Variants in PRMT9 observed in about 807,000 individuals in gnomAD.
PRMT9 encodes the protein protein arginine N-methyltransferase 9.
In PRMT9, 59 loss-of-function variants were observed where a neutral mutation model predicts 83.2. The observed-to-expected ratio is 0.71, with a 90% CI of 0.57 to 0.88. The LOEUF (loss-of-function observed/expected upper bound fraction) is 0.88, where lower values mean the gene tolerates loss of function less well. Ranked by LOEUF, PRMT9 falls within the 40% of genes least tolerant of loss-of-function variation. PRMT9 has a pLI of 0.00. For synonymous variants in PRMT9, 333 were observed against 353.2 expected, an observed-to-expected ratio of 0.94 and a Z score of 0.64; for missense variants, 947 against 1,021.9, an observed-to-expected ratio of 0.93 and a Z score of 1.00.
Position 147,673,622 on chromosome 4 carries a change from T to A in PRMT9, c.575+16A>T. 1 of 1,463,984 alleles carries A rather than the reference T, an allele frequency of 6.8e-7. No homozygotes were observed. Among genetic ancestry groups the A allele is most frequent in the Non-Finnish European group, 9.6e-7 (1 of 1,042,960 alleles). The allele number at this position is 1,463,984 out of a possible 1,614,324, so 90.7% of individuals were successfully genotyped here. ...AGAATACATGTATATACCATTAAAATGCAATTACTACCAACCTTAGTATTC... is the reference window on the plus strand; with the variant it reads ...AGAATACATGTATATACCATTAAAAAGCAATTACTACCAACCTTAGTATTC... On this transcript the variant is annotated intron_variant, in intron 3 of 11. Transcript: ENST00000322396.
intron 2 of PRMT9, among the ~76,000 whole-genome samples, chr4:147,676,435 T>A (rs2126636244): frequency 6.6e-6 from 1 of 152,332 alleles, no homozygotes; most frequent in Non-Finnish European, 1.5e-5. Context: ...AAAAAAGATT[T>A]TTAAAAATAT....
At chr4:147,670,819 G>A in intron 4 of PRMT9, 76 bp from the exon 5 acceptor site, 1 of 925,352 alleles carries the variant, frequency 1.1e-6, no homozygotes. Flanking sequence ...GCTGAGAGGA[G>A]AAAGGAAGAG....
At chr4:147,668,740 A>G in intron 5 of PRMT9, 95 bp from the exon 6 acceptor site, 1 of 791,552 alleles carries the variant, frequency 1.3e-6, no homozygotes, top group Non-Finnish European at 2.1e-6. Flanking sequence ...AAAAAACCTA[A>G]AAAGACAATA....
intron 6 of PRMT9, among the ~76,000 whole-genome samples, chr4:147,662,231 G>A (rs1271312294): frequency 1.3e-5 from 2 of 152,136 alleles, no homozygotes; most frequent in East Asian, 1.9e-4. Context: ...AGCTAGGCAC[G>A]CAAAAACAAG....
chr4:147,674,132 T>C (rs1735921919), intron 2 of PRMT9, among the ~76,000 whole-genome samples: 1 of 152,308 alleles, frequency 6.6e-6, no homozygotes, highest in Admixed American at 6.5e-5. Context: ...TACTAATGTA[T>C]AGCAGAAGCT....
intron 9 of PRMT9, among the ~76,000 whole-genome samples, chr4:147,643,605 C>T (rs1179838862): frequency 1.3e-5 from 2 of 152,144 alleles, no homozygotes; most frequent in Admixed American, 1.3e-4. Context: ...AAGTATCACC[C>T]CCAAAAATGA....
chr4:147,653,278 G>A (rs1489839425), intron 9 of PRMT9, among the ~76,000 whole-genome samples: 7 of 151,742 alleles, frequency 4.6e-5, no homozygotes, highest in Non-Finnish European at 7.4e-5. Context: ...GTGAAACCCC[G>A]TCTCTACTAA....
At chr4:147,648,393 T>A (rs535094344) in intron 9 of PRMT9, among the ~76,000 whole-genome samples, 2 of 152,266 alleles carry the variant, frequency 1.3e-5, no homozygotes, top group South Asian at 2.1e-4. Context: ...AGCTTCCAGG[T>A]AGCTGAACAC....
chr4:147,642,738 G>T, intron 10 of PRMT9, 49 bp downstream of exon 10: 2 of 1,499,368 alleles, frequency 1.3e-6, no homozygotes, highest in South Asian at 2.3e-5. Flanking sequence ...GAGAGCGATG[G>T]TAGACTGTTC....
chr4:147,640,090 T>A (rs1295723059), intron 10 of PRMT9, among the ~76,000 whole-genome samples: 3 of 57,828 alleles, frequency 5.2e-5, no homozygotes, highest in Admixed American at 2.8e-4. Flanking sequence ...TTTTTTTTTT[T>A]AATATAGGGT....
intron 5 of PRMT9, 141 bp from the exon 6 acceptor site, chr4:147,668,786 T>TC: frequency 1.5e-6 from 1 of 645,834 alleles, no homozygotes; most frequent in Non-Finnish European, 2.7e-6. Context: ...TTTTTTTTCT[T>TC]CCTTAAAAAA....
At chr4:147,670,602 G>T (rs541711610) in intron 5 of PRMT9, 39 bp downstream of exon 5, 22 of 1,222,252 alleles carry the variant, frequency 1.8e-5, no homozygotes, top group Admixed American at 8.4e-5. Flanking sequence ...ATGAAATAAC[G>T]AATTCTTAAT....
chr4:147,638,695 A>G lies in PRMT9; in HGVS notation c.2375T>C (p.Met792Thr). The G allele has an allele frequency of 3.1e-6, 5 of 1,613,796 alleles. No homozygotes were observed. Among genetic ancestry groups the G allele is most frequent in the African/African-American group, 1.3e-5 (1 of 75,046 alleles). Residue 792 changes from methionine to threonine, a missense_variant, in exon 12 of 12, where the codon ATG becomes ACG. Transcript: ENST00000322396. ...RLTAIPFWYH[M>T]YLDEEIRLDT... ...CAACCTAATCTCTTCATCAAGGTAC[A>G]TATGATACCAAAATGGAATAGCAGT...
intron 6 of PRMT9, among the ~76,000 whole-genome samples, chr4:147,664,579 T>C (rs909166899): frequency 2.0e-5 from 3 of 152,172 alleles, no homozygotes; most frequent in African/African-American, 7.2e-5. Context: ...GCAATCTTAC[T>C]GTTGATGTTA....
rs554524792 is a variant in PRMT9 at position 147,646,028 on chromosome 4, G to T, written c.2046-3088C>A. ...TTCCTATCAACTTTTTGTCATAATA[G>T]GTAGTCTGGTAGAAATTCAGTCTCC... On this transcript the variant is annotated intron_variant, in intron 9 of 11. Transcript: ENST00000322396. Among the ~76,000 whole-genome samples, 5 of 152,244 alleles carry T rather than the reference G, an allele frequency of 3.3e-5. No homozygotes were observed. In the East Asian group the frequency reaches 9.6e-4, roughly 29 times the overall value.
chr4:147,682,848 G>A (rs1736583800), intron 1 of PRMT9, among the ~76,000 whole-genome samples: 1 of 152,122 alleles, frequency 6.6e-6, no homozygotes, highest in Non-Finnish European at 1.5e-5. Context: ...AGACGCTACT[G>A]ACATTTAGTG....
intron 9 of PRMT9, among the ~76,000 whole-genome samples, chr4:147,648,473 T>G (rs577138979): frequency 6.6e-6 from 1 of 152,346 alleles, no homozygotes; most frequent in African/African-American, 2.4e-5. Context: ...GCTTACTCTA[T>G]GCATCTCTTC....
chr4:147,682,729 A>G (rs565135937), intron 1 of PRMT9, among the ~76,000 whole-genome samples: 9 of 152,348 alleles, frequency 5.9e-5, no homozygotes, highest in African/African-American at 1.9e-4. Context: ...CCATTTTTCT[A>G]TTGCTGCCTA....
chr4:147,680,414 T>A lies in PRMT9; in HGVS notation c.247A>T (p.Ile83Leu). ...WAEELDALSR[I>L]QDLLGCYEQA... Reference sequence around the variant, plus strand: ...TCATAGCAACCAAGTAAGTCTTGTATCCGACTGAGAGCATCAAGCTCTTCA... The same window carrying A: ...TCATAGCAACCAAGTAAGTCTTGTAACCGACTGAGAGCATCAAGCTCTTCA... Residue 83 changes from isoleucine (I) to leucine (L), a missense_variant, in exon 2 of 12, where the codon ATA becomes TTA. Transcript: ENST00000322396. 1.2e-6 allele frequency: 2 copies of A among 1,614,106 alleles called. No individual in the cohort carries two copies. Among genetic ancestry groups the A allele is most frequent in the Non-Finnish European group, 1.7e-6 (2 of 1,179,928 alleles).
Sources: gnomAD v4.1 joint callset for allele counts (sites outside exome capture counted in the v4.1 genomes callset) on GRCh38, gnomAD v4.1.1 for gene constraint, MANE v1.5 for transcripts, NCBI Gene and HGNC (gene_info 2026-07-23, HGNC 2026-07-21) for gene names.